SYDE2: variants seen among roughly 807,000 people sequenced by gnomAD.
SYDE2 encodes the protein rho GTPase-activating protein SYDE2.
SYDE2 carries 76 observed loss-of-function variants against 91.5 expected under a neutral mutation model. The observed-to-expected ratio is 0.83, with a 90% CI of 0.69 to 1.01. The LOEUF is 1.01. Ranked by LOEUF, SYDE2 falls within the 50% of genes least tolerant of loss-of-function variation. The pLI is 0.00. For missense variants in SYDE2, 1,364 were observed against 1,367.7 expected, an observed-to-expected ratio of 1.00 and a Z score of 0.04; for synonymous variants, 513 against 506.4, an observed-to-expected ratio of 1.01 and a Z score of -0.18.
At chr1:85,194,549 TATAAAA>T (rs1220184281) in intron 1 of SYDE2, among the ~76,000 whole-genome samples, 4 of 150,630 alleles carry the variant, frequency 2.7e-5, no homozygotes, top group Non-Finnish European at 4.4e-5. Context: ...CAACTAAAAA[TATAAAA>T]ATAAGTATGC....
At chr1:85,183,542 T>A (rs1300895501) in intron 2 of SYDE2, among the ~76,000 whole-genome samples, 1 of 147,142 alleles carries the variant, frequency 6.8e-6, no homozygotes, top group Non-Finnish European at 1.5e-5. Context: ...AAACAACAAA[T>A]GACCTTTCTT....
chr1:85,187,202 G>C (rs201189398), intron 2 of SYDE2, among the ~76,000 whole-genome samples: 2 of 152,000 alleles, frequency 1.3e-5, no homozygotes, highest in African/African-American at 4.8e-5. Flanking sequence ...AAAAGTGGGC[G>C]AAGGACATGA....
intron 1 of SYDE2, among the ~76,000 whole-genome samples, chr1:85,199,980 G>A (rs1658749025): frequency 6.6e-6 from 1 of 151,900 alleles, no homozygotes; most frequent in South Asian, 2.1e-4. Flanking sequence ...GTAATACTTA[G>A]GGAATAGACA....
chr1:85,175,001 AT>A (rs1237880719), intron 4 of SYDE2, among the ~76,000 whole-genome samples: 1 of 152,204 alleles, frequency 6.6e-6, no homozygotes, highest in Admixed American at 6.5e-5. Flanking sequence ...AAAAATGACT[AT>A]GGTAGGATTA....
At position 85,182,816 on chromosome 1, in the gene SYDE2, G is replaced by T; in HGVS notation, c.1826C>A (p.Ser609Tyr). 1 of 1,613,894 alleles carries T rather than the reference G, an allele frequency of 6.2e-7. No homozygotes were observed. Among genetic ancestry groups the T allele is most frequent in the Non-Finnish European group, 8.5e-7 (1 of 1,179,860 alleles). ...SSQQSYQKKN[S>Y]MSSKYSCKGG... ...TTTGCAGGAATACTTAGAACTCATAGAGTTTTTCTTCTGGTAGCTCTGCTG... is the reference window on the plus strand; with the variant it reads ...TTTGCAGGAATACTTAGAACTCATATAGTTTTTCTTCTGGTAGCTCTGCTG... Residue 609 changes from serine to tyrosine, a missense_variant, in exon 3 of 7, where the codon TCT becomes TAT. Coordinates refer to ENST00000341460, the MANE Select transcript of SYDE2 (RefSeq NM_032184.2).
At position 85,189,951 on chromosome 1, in the gene SYDE2, A is replaced by T. The variant is rs755474810; in HGVS notation, c.1441+106T>A. The T allele has an allele frequency of 4.4e-5, 41 of 921,756 alleles. 1 individual carries two copies. The highest frequency in any genetic ancestry group is 2.1e-4 in the Admixed American group (8 of 37,432). 57.1% of individuals were successfully genotyped at this position (921,756 alleles called of 1,614,324 possible). ...CATGAAAATATATTCACTTCACAAG[A>T]AAAAGTACATGAATATAACAAACAT... On this transcript the variant is annotated intron_variant, in intron 2 of 6. Coordinates refer to ENST00000341460, the MANE Select transcript of SYDE2 (RefSeq NM_032184.2).
intron 4 of SYDE2, among the ~76,000 whole-genome samples, chr1:85,175,270 C>T (rs781305243): frequency 1.3e-5 from 2 of 152,136 alleles, no homozygotes; most frequent in Admixed American, 6.6e-5. Context: ...GAGGCTGAGA[C>T]GGGAGGATCT....
At chr1:85,166,831 C>T (rs1292256616) in intron 5 of SYDE2, among the ~76,000 whole-genome samples, 3 of 152,098 alleles carry the variant, frequency 2.0e-5, no homozygotes, top group Non-Finnish European at 2.9e-5. Context: ...AATATATGTT[C>T]AATCTCAATA....
chr1:85,182,933 T>C lies in SYDE2; in HGVS notation c.1709A>G (p.His570Arg). 1.2e-6 allele frequency: 2 copies of C among 1,613,876 alleles called. No homozygotes were observed. Among genetic ancestry groups the C allele is most frequent in the Non-Finnish European group, 1.7e-6 (2 of 1,179,798 alleles). ...CCCAGAGGGCAGAATATCAGTATGA[T>C]GAACTTCTCGGCAGTTATATTTAGA... ...SLSKYNCREV[H>R]HTDILPSGNT... The change falls in exon 3 of 7, where the codon CAT becomes CGT. Residue 570 changes from histidine to arginine, a missense_variant. Physicochemically the swap from His to Arg is conservative, Grantham distance 29. Coordinates refer to ENST00000341460, the MANE Select transcript of SYDE2 (RefSeq NM_032184.2).
Position 85,200,449 on chromosome 1 carries a change from G to A in SYDE2, c.548C>T (p.Pro183Leu). 7 of 1,613,914 alleles carry A rather than the reference G, an allele frequency of 4.3e-6. No homozygotes were observed. The highest frequency in any genetic ancestry group is 1.3e-5 in the African/African-American group (1 of 75,048). ...DRQEGPSFLR[P>L]PAVTVKKLQK... ...CAGCTTCTTGACTGTCACTGCCGGC[G>A]GCCTGAGGAAGGAGGGGCCTTCCTG... Residue 183 changes from proline to leucine, a missense_variant, in exon 1 of 7, where the codon CCG (proline) becomes CTG (leucine). Pro to Leu is a moderately conservative substitution (Grantham distance 98). Coordinates refer to ENST00000341460, the MANE Select transcript of SYDE2 (RefSeq NM_032184.2).
chr1:85,164,526 C>T lies in SYDE2; in HGVS notation c.3085G>A (p.Val1029Met). 1.3e-6 allele frequency: 2 copies of T among 1,570,266 alleles called. No individual in the cohort carries two copies. The highest frequency in any genetic ancestry group is 2.3e-5 in the East Asian group (1 of 43,844). ...VLHYLLQLWP[V>M]QRLTVKKSTD... is the part of the protein sequence containing the mutation. ...AAAACATTTCCATAGAATCATTTAC[C>T]TGGCCAGAGTTGGAGTAAGTAATGA... The change falls in exon 6 of 7, where the codon GTG becomes ATG. Residue 1029 changes from valine to methionine, a missense_variant and splice_region_variant. Transcript: ENST00000341460.
intron 6 of SYDE2, chr1:85,160,442 T>C: frequency 3.3e-6 from 3 of 909,336 alleles, no homozygotes; most frequent in Non-Finnish European, 3.9e-6. Context: ...ATGGTTATTA[T>C]GTATCACTAT....
chr1:85,156,583 G>GCA (rs1239504303), downstream of SYDE2, among the ~76,000 whole-genome samples: 1 of 152,060 alleles, frequency 6.6e-6, no homozygotes, highest in African/African-American at 2.4e-5. Flanking sequence ...GTCAATAAAA[G>GCA]CAGTTTATAG....
intron 4 of SYDE2, among the ~76,000 whole-genome samples, chr1:85,173,721 AAGG>A (rs1362044836): frequency 2.6e-5 from 4 of 152,206 alleles, no homozygotes; most frequent in African/African-American, 7.2e-5. Context: ...GAGGCATATA[AAGG>A]AGGAGGCAAA....
chr1:85,159,089 ACTGT>A lies in SYDE2; in HGVS notation c.3242_3245del (p.Asp1081ValfsTer20). ...CTCCTGCATAACGATTGCTAAGTGG[ACTGT>A]CTAATCGGTTTTGCCTTGGCCTAAG... On this transcript the variant is annotated frameshift_variant, in exon 7 of 7. Coordinates refer to ENST00000341460, the MANE Select transcript of SYDE2 (RefSeq NM_032184.2). LOFTEE classifies it high-confidence loss of function. 1 of 780,868 alleles carries A rather than the reference ACTGT, an allele frequency of 1.3e-6. No homozygotes were observed. Among genetic ancestry groups the A allele is most frequent in the Non-Finnish European group, 2.4e-6 (1 of 417,976 alleles). 48.4% of individuals were successfully genotyped at this position (780,868 alleles called of 1,614,324 possible). A position where few individuals can be genotyped will look rare whatever the true frequency, so the allele number is the denominator to read the frequency against.
At chr1:85,187,412 C>T (rs1228574207) in intron 2 of SYDE2, among the ~76,000 whole-genome samples, 3,040 of 151,624 alleles carry the variant, frequency 0.02, 88 homozygotes, top group African/African-American at 0.07. Context: ...TTTTACACTG[C>T]TGGTGGGACT....
intron 4 of SYDE2, among the ~76,000 whole-genome samples, chr1:85,171,112 T>A (rs1285714628): frequency 1.3e-5 from 2 of 152,110 alleles, no homozygotes; most frequent in Non-Finnish European, 2.9e-5. Context: ...AGAGAAGAGT[T>A]TCATTTTGAA....
downstream of SYDE2, chr1:85,152,850 T>A (rs531147894): frequency 1.2e-4 from 19 of 152,342 alleles, no homozygotes; most frequent in South Asian, 1.0e-3. Context: ...TGTAGTTTTT[T>A]AAACATTTTT....
intron 2 of SYDE2, among the ~76,000 whole-genome samples, chr1:85,188,422 C>G (rs1385445010): frequency 2.0e-5 from 3 of 152,186 alleles, no homozygotes; most frequent in African/African-American, 7.2e-5. Flanking sequence ...TGCCATCATA[C>G]AGTACACATT....
Sources: gnomAD v4.1 joint callset for allele counts (sites outside exome capture counted in the v4.1 genomes callset) on GRCh38, gnomAD v4.1.1 for gene constraint, MANE v1.5 for transcripts, NCBI Gene and HGNC (gene_info 2026-07-23, HGNC 2026-07-21) for gene names.